The following DNLZ variants were observed in gnomAD, a reference collection of about 807,000 sequenced individuals.
The protein encoded by DNLZ is DNL-type zinc finger, also known as DNL-type zinc finger protein.
DNLZ carries 15 observed loss-of-function variants against 7.8 expected under a neutral mutation model. The ratio of observed to expected loss-of-function variants is 1.91; its 90% CI spans 1.28 to 2.95. The LOEUF (loss-of-function observed/expected upper bound fraction) is 2.95, where lower values mean the gene tolerates loss of function less well. DNLZ is among the 30% of genes most tolerant of loss of function. The probability of loss-of-function intolerance (pLI) is 0.00; values close to 1 mark genes in which losing one functional copy is unlikely to be tolerated. For synonymous variants in DNLZ, 123 were observed against 77.8 expected (o/e 1.58, Z -3.05); for missense variants, 255 against 167.3 (o/e 1.52, Z -2.89).
In DNLZ at chr9:136,363,565, G is replaced by A. The variant is rs1479881364; in HGVS notation, c.150C>T (p.Ser50=). 2.9e-6 allele frequency: 2 copies of A among 682,292 alleles called. No individual in the cohort carries two copies. Among genetic ancestry groups the A allele is most frequent in the Non-Finnish European group, 5.3e-6 (2 of 377,970 alleles). The allele number at this position is 682,292 out of a possible 1,614,324, so 42.3% of individuals were successfully genotyped here. The change falls in exon 1 of 3, where the codon AGC becomes AGT. Residue 50 remains serine, a synonymous_variant. Coordinates refer to ENST00000371738, the MANE Select transcript of DNLZ (RefSeq NM_001080849.3). ...CCGCGGGCCCCGGCCCCTGCTCGGA[G>A]CTTGAGCGCCGCCAGCCCCAGGCCC... ...RAWAWGWRRS[S]SEQGPGPAAA...
chr9:136,362,851 CTG>C lies in DNLZ; in HGVS notation c.368+136_368+137del. ...GGCTTTATAGGAAATTCTCATTTAA[CTG>C]TGTGTCTTGTATTGATAAGGTGGCT... On this transcript the variant is annotated intron_variant, in intron 2 of 2. Coordinates refer to ENST00000371738, the MANE Select transcript of DNLZ (RefSeq NM_001080849.3). 4 of 706,946 alleles carry C rather than the reference CTG, an allele frequency of 5.7e-6. No individual in the cohort carries two copies. In the South Asian group the frequency reaches 7.9e-5, roughly 14 times the overall value. The allele number at this position is 706,946 out of a possible 1,614,324, so 43.8% of individuals were successfully genotyped here. A position where few individuals can be genotyped will look rare whatever the true frequency, so the allele number is the denominator to read the frequency against.
rs1401738240 is a variant in DNLZ at position 136,362,674 on chromosome 9, G to C, written c.368+315C>G. The stretch of plus-strand genomic sequence containing the variant: ...GGGCCAGCCACCCCAAGATGGCAGA[G>C]GGCAAAAAAGTTCCACGCTAGAGAG... On this transcript the variant is annotated intron_variant, in intron 2 of 2. Coordinates refer to ENST00000371738, the MANE Select transcript of DNLZ (RefSeq NM_001080849.3). Among the ~76,000 whole-genome samples, 3 of 152,226 alleles carry C rather than the reference G, an allele frequency of 2.0e-5. No individual in the cohort carries two copies. In the East Asian group the frequency reaches 5.8e-4, roughly 29 times the overall value.
chr9:136,362,956 C>G (rs1833009005), intron 2 of DNLZ, 33 bp downstream of exon 2: 2 of 1,609,168 alleles, frequency 1.2e-6, no homozygotes, highest in East Asian at 4.5e-5. Context: ...TTCTGGGTGG[C>G]CTTCTGGCCC....
chr9:136,363,434 C>G, intron 1 of DNLZ, 53 bp downstream of exon 1: 2 of 761,434 alleles, frequency 2.6e-6, no homozygotes, highest in Non-Finnish European at 4.8e-6. Context: ...CCCCGCAGGC[C>G]GTGTAGCGTC....
chr9:136,361,625 G>A lies in DNLZ; in HGVS notation c.*387C>T, dbSNP rs968792814. The A allele has an allele frequency of 1.2e-4, 21 of 179,680 alleles. No homozygotes were observed. Among genetic ancestry groups the A allele is most frequent in the Non-Finnish European group, 1.8e-4 (16 of 86,764 alleles). 11.1% of individuals were successfully genotyped at this position (179,680 alleles called of 1,614,324 possible). The stretch of plus-strand genomic sequence containing the variant: ...GGCCGCCAGAGCTGGCCAGGGGGGC[G>A]GCAAGGGCCTTGCAGAGGAAGGCTG... On this transcript the variant is annotated 3_prime_UTR_variant, in exon 3 of 3. Coordinates refer to ENST00000371738, the MANE Select transcript of DNLZ (RefSeq NM_001080849.3).
Position 136,361,903 on chromosome 9 carries a change from T to C in DNLZ, c.*109A>G, listed in dbSNP as rs1189769179. Reference sequence around the variant, plus strand: ...CACGAGGGCCACAGGCCCCAGCATCTGGAAGTAATGTCTGTTTATTGATAG... The same window carrying C: ...CACGAGGGCCACAGGCCCCAGCATCCGGAAGTAATGTCTGTTTATTGATAG... On this transcript the variant is annotated 3_prime_UTR_variant, in exon 3 of 3. Transcript: ENST00000371738. 1 of 850,260 alleles carries C rather than the reference T, an allele frequency of 1.2e-6. No individual in the cohort carries two copies. Among genetic ancestry groups the C allele is most frequent in the Admixed American group, 4.3e-5 (1 of 23,282 alleles). The allele number at this position is 850,260 out of a possible 1,614,324, so 52.7% of individuals were successfully genotyped here. A position where few individuals can be genotyped will look rare whatever the true frequency, so the allele number is the denominator to read the frequency against.
At chr9:136,363,411 G>C in intron 1 of DNLZ, 76 bp downstream of exon 1, 1 of 757,836 alleles carries the variant, frequency 1.3e-6, no homozygotes, top group East Asian at 2.4e-5. Context: ...CGGATCCCCG[G>C]CGGGCCGCTT....
Position 136,361,885 on chromosome 9 carries a change from G to A in DNLZ, c.*127C>T, listed in dbSNP as rs981087488. 2 of 711,884 alleles carry A rather than the reference G, an allele frequency of 2.8e-6. No individual in the cohort carries two copies. The highest frequency in any genetic ancestry group is 1.8e-5 in the African/African-American group (1 of 54,952). 44.1% of individuals were successfully genotyped at this position (711,884 alleles called of 1,614,324 possible). On this transcript the variant is annotated 3_prime_UTR_variant, in exon 3 of 3. Coordinates refer to ENST00000371738, the MANE Select transcript of DNLZ (RefSeq NM_001080849.3). ...CTCCAGAAAAAGAAAGGCCACGAGG[G>A]CCACAGGCCCCAGCATCTGGAAGTA...
rs1383155341 is a variant in DNLZ, at chr9:136,360,196, GCCT to G, written c.*1813_*1815del. ...AGCCTCTGTGCTGGTTGACTCCGTT[GCCT>G]CCTCCACCCCAGAAGGGGCCTTGGG... On this transcript the variant is annotated 3_prime_UTR_variant, in exon 3 of 3. Transcript: ENST00000371738. 1.3e-5 allele frequency: 2 copies of G among 152,444 alleles called. No individual in the cohort carries two copies. Among genetic ancestry groups the G allele is most frequent in the East Asian group, 1.9e-4 (1 of 5,184 alleles). The allele number at this position is 152,444 out of a possible 1,614,324, so 9.4% of individuals were successfully genotyped here. A position where few individuals can be genotyped will look rare whatever the true frequency, so the allele number is the denominator to read the frequency against.
At chr9:136,363,207 C>A in intron 1 of DNLZ, 79 bp from the exon 2 acceptor site, 1 of 1,534,300 alleles carries the variant, frequency 6.5e-7, no homozygotes, top group Non-Finnish European at 8.9e-7. Flanking sequence ...CTAGGGGTAG[C>A]TCCAGCCACC....
chr9:136,363,143 G>A lies in DNLZ; in HGVS notation c.229-15C>T, dbSNP rs756219083. On this transcript the variant is annotated splice_polypyrimidine_tract_variant and intron_variant, in intron 1 of 2. Coordinates refer to ENST00000371738, the MANE Select transcript of DNLZ (RefSeq NM_001080849.3). ...GTCCCGCAGACCTGGCTGGGACAGG[G>A]TAGCTGGTGAGGCTGTGAGGGCCGC... is the stretch of plus-strand genomic sequence containing the variant. 3 of 1,612,246 alleles carry A rather than the reference G, an allele frequency of 1.9e-6. No homozygotes were observed. Among genetic ancestry groups the A allele is most frequent in the East Asian group, 2.2e-5 (1 of 44,868 alleles).
In DNLZ at chr9:136,361,953, C is replaced by G; in HGVS notation, c.*59G>C. Reference sequence around the variant, plus strand: ...GAAAACAGGCCACGTCCAGAGAGGCCCAGGGCCAAAACCTCCTTCTGGAAG... The same window carrying G: ...GAAAACAGGCCACGTCCAGAGAGGCGCAGGGCCAAAACCTCCTTCTGGAAG... On this transcript the variant is annotated 3_prime_UTR_variant, in exon 3 of 3. Transcript: ENST00000371738. 8.2e-7 allele frequency: 1 copy of G among 1,220,738 alleles called. No individual in the cohort carries two copies. Among genetic ancestry groups the G allele is most frequent in the African/African-American group, 1.6e-5 (1 of 64,346 alleles). 75.6% of individuals were successfully genotyped at this position (1,220,738 alleles called of 1,614,324 possible).
At position 136,363,054 on chromosome 9, in the gene DNLZ, G is replaced by T; in HGVS notation, c.303C>A (p.Pro101=). Residue 101 remains proline (P), a synonymous_variant, in exon 2 of 3, where the codon CCC becomes CCA. Transcript: ENST00000371738. ...YHQGVVIVTC[P]GCQNHHIIAD... Reference sequence around the variant, plus strand: ...CGATGATATGGTGGTTCTGGCAGCCGGGGCAGGTCACAATGACCACGCCTT... The same window carrying T: ...CGATGATATGGTGGTTCTGGCAGCCTGGGCAGGTCACAATGACCACGCCTT... 1 of 1,613,780 alleles carries T rather than the reference G, an allele frequency of 6.2e-7. No homozygotes were observed.
intron 1 of DNLZ, 50 bp downstream of exon 1, chr9:136,363,437 G>A (rs1564364690): frequency 1.3e-6 from 1 of 761,922 alleles, no homozygotes; most frequent in Non-Finnish European, 2.4e-6. Context: ...CGCAGGCCGT[G>A]TAGCGTCAGA....
rs1230291725 is a variant in DNLZ at position 136,361,928 on chromosome 9, G to A, written c.*84C>T. On this transcript the variant is annotated 3_prime_UTR_variant, in exon 3 of 3. Coordinates refer to ENST00000371738, the MANE Select transcript of DNLZ (RefSeq NM_001080849.3). ...TGGAAGTAATGTCTGTTTATTGATA[G>A]AAAACAGGCCACGTCCAGAGAGGCC... 9.4e-6 allele frequency: 10 copies of A among 1,063,670 alleles called. 1 individual carries two copies. In the South Asian group the frequency reaches 2.7e-4, roughly 28 times the overall value. The allele number at this position is 1,063,670 out of a possible 1,614,324, so 65.9% of individuals were successfully genotyped here.
Position 136,359,970 on chromosome 9 carries a change from G to A in DNLZ, c.*2042C>T, listed in dbSNP as rs1183756879. The A allele has an allele frequency of 6.6e-6, 1 of 152,274 alleles. No individual in the cohort carries two copies. Among genetic ancestry groups the A allele is most frequent in the Non-Finnish European group, 1.5e-5 (1 of 68,078 alleles). 9.4% of individuals were successfully genotyped at this position (152,274 alleles called of 1,614,324 possible). A position where few individuals can be genotyped will look rare whatever the true frequency, so the allele number is the denominator to read the frequency against. ...ACCCGGGGGAGGGAGGTCCTTTCCT[G>A]GAGTCTGATCCGGCTGGGCTCAGGG... On this transcript the variant is annotated 3_prime_UTR_variant, in exon 3 of 3. Coordinates refer to ENST00000371738, the MANE Select transcript of DNLZ (RefSeq NM_001080849.3).
chr9:136,363,441 C>A, intron 1 of DNLZ, 46 bp downstream of exon 1: 1 of 762,054 alleles, frequency 1.3e-6, no homozygotes, highest in Admixed American at 1.7e-5. Context: ...GGCCGTGTAG[C>A]GTCAGATACG....
chr9:136,363,459 C>T (rs753846760), intron 1 of DNLZ, 28 bp downstream of exon 1: 1 of 762,230 alleles, frequency 1.3e-6, no homozygotes, highest in Non-Finnish European at 2.4e-6. Flanking sequence ...ACGGGTCTGT[C>T]CCCGGTTCCG....
intron 2 of DNLZ, among the ~76,000 whole-genome samples, chr9:136,362,786 A>G (rs984786816): frequency 9.9e-5 from 15 of 151,960 alleles, no homozygotes; most frequent in African/African-American, 3.4e-4. Flanking sequence ...ATAAAAACGC[A>G]CCCCCTACTT....
Sources: gnomAD v4.1 joint callset for allele counts (sites outside exome capture counted in the v4.1 genomes callset) on GRCh38, gnomAD v4.1.1 for gene constraint, MANE v1.5 for transcripts, NCBI Gene and HGNC (gene_info 2026-07-23, HGNC 2026-07-21) for gene names.